The following SUN3 variants were observed in gnomAD, a reference collection of about 807,000 sequenced individuals.
SUN3 encodes the protein SUN domain-containing protein 3.
In SUN3, 36 loss-of-function variants were observed where a neutral mutation model predicts 48.2. The ratio of observed to expected loss-of-function variants is 0.75; its 90% confidence interval spans 0.57 to 0.99. SUN3 has a LOEUF of 0.99. Ranked by LOEUF, SUN3 falls within the 50% of genes least tolerant of loss-of-function variation. SUN3 has a pLI of 0.00. For missense variants in SUN3, 419 were observed against 433.1 expected (o/e 0.97, Z 0.29); for synonymous variants, 148 against 147.9 (o/e 1.00, Z 0.00).
At chr7:47,993,791 C>T (rs1277802680) in intron 8 of SUN3, among the ~76,000 whole-genome samples, 1 of 152,104 alleles carries the variant, frequency 6.6e-6, no homozygotes, top group Non-Finnish European at 1.5e-5. Flanking sequence ...GAAGGGTGTA[C>T]TTTAAATGGG....
intron 8 of SUN3, 35 bp from the exon 9 acceptor site, chr7:47,988,915 G>C (rs3736547): frequency 0.31 from 376,992 of 1,229,860 alleles, 61,235 homozygotes; most frequent in East Asian, 0.46. Flanking sequence ...AGATTGTAAT[G>C]AATGGATGCA....
intron 9 of SUN3, among the ~76,000 whole-genome samples, chr7:47,988,541 T>C (rs1253911599): frequency 6.6e-6 from 1 of 152,176 alleles, no homozygotes; most frequent in Non-Finnish European, 1.5e-5. Flanking sequence ...AGAAATTAAA[T>C]ATATATATTA....
At chr7:48,016,874 G>C (rs1583774382) in intron 3 of SUN3, among the ~76,000 whole-genome samples, 1 of 152,176 alleles carries the variant, frequency 6.6e-6, no homozygotes, top group African/African-American at 2.4e-5. Flanking sequence ...CATGTGATGA[G>C]GGTTCTACCA....
intron 6 of SUN3, among the ~76,000 whole-genome samples, chr7:47,997,616 G>A (rs1174700463): frequency 6.6e-6 from 1 of 152,192 alleles, no homozygotes; most frequent in African/African-American, 2.4e-5. Context: ...CATTTACAGT[G>A]TATGATTCAG....
At chr7:47,993,726 C>G (rs1192483453) in intron 8 of SUN3, among the ~76,000 whole-genome samples, 1 of 151,986 alleles carries the variant, frequency 6.6e-6, no homozygotes, top group Non-Finnish European at 1.5e-5. Context: ...GAAAAATGTT[C>G]TAAAATTGAT....
At chr7:48,004,177 A>C (rs1353632914) in intron 6 of SUN3, among the ~76,000 whole-genome samples, 3 of 152,126 alleles carry the variant, frequency 2.0e-5, no homozygotes, top group African/African-American at 7.2e-5. Context: ...GACAATTCCA[A>C]CATCTGTGTC....
Position 48,006,038 on chromosome 7 carries a change from C to A in SUN3, c.508G>T (p.Val170Phe). 1 of 1,607,788 alleles carries A rather than the reference C, an allele frequency of 6.2e-7. No individual in the cohort carries two copies. The highest frequency in any genetic ancestry group is 8.5e-7 in the Non-Finnish European group (1 of 1,176,054). The change falls in exon 6 of 10, where the codon GTC becomes TTC. Residue 170 changes from valine to phenylalanine, a missense_variant. Val to Phe is a conservative substitution (Grantham distance 50). Coordinates refer to ENST00000297325, the MANE Select transcript of SUN3 (RefSeq NM_001030019.2). ...PDHTEEVSNL[V>F]NYVLKKLRED... ...CTCAACTTTTTAAGTACATAATTGA[C>A]CAAGTTTGACACTTCCTGTAGAAAT...
At position 47,994,435 on chromosome 7, in the gene SUN3, A is replaced by T. The variant is rs756116158; in HGVS notation, c.741T>A (p.Gly247=). 6.2e-6 allele frequency: 10 copies of T among 1,611,076 alleles called. No individual in the cohort carries two copies. In the East Asian group the frequency reaches 2.0e-4, roughly 32 times the overall value. The part of the protein sequence containing the change: ...GKCWAFPGSQ[G]HTLIKLATKI... ...TTGTAGCAAGCTTGATTAGGGTATG[A>T]CCCTGGGAACCTGGAAAAGCCCAGC... Residue 247 remains glycine, a synonymous_variant, in exon 8 of 10, where the codon GGT becomes GGA. Coordinates refer to ENST00000297325, the MANE Select transcript of SUN3 (RefSeq NM_001030019.2).
chr7:48,019,800 C>T (rs1789914980), intron 2 of SUN3, among the ~76,000 whole-genome samples: 1 of 151,772 alleles, frequency 6.6e-6, no homozygotes, highest in African/African-American at 2.4e-5. Flanking sequence ...AAAAATCTCC[C>T]AGTAAAGAAC....
At chr7:47,994,583 C>G (rs574585569) in intron 7 of SUN3, 101 bp from the exon 8 acceptor site, 2 of 1,271,930 alleles carry the variant, frequency 1.6e-6, no homozygotes, top group African/African-American at 3.0e-5. Context: ...TCTCTTATGC[C>G]TATCAAATAG....
chr7:47,987,354 A>G lies in SUN3; in HGVS notation c.1050T>C (p.His350=), dbSNP rs2128768247. ...KYTCLYRFRV[H]GTPGKHI is the part of the protein sequence containing the mutation. Reference sequence around the variant, plus strand: ...TCTAGATGTGCTTGCCTGGTGTGCCATGGACCCTGAATCGATATAAACAAG... The same window carrying G: ...TCTAGATGTGCTTGCCTGGTGTGCCGTGGACCCTGAATCGATATAAACAAG... The change falls in exon 10 of 10, where the codon CAT becomes CAC. Residue 350 remains histidine, a synonymous_variant. Coordinates refer to ENST00000297325, the MANE Select transcript of SUN3 (RefSeq NM_001030019.2). 3.7e-6 allele frequency: 6 copies of G among 1,612,574 alleles called. No individual in the cohort carries two copies. The highest frequency in any genetic ancestry group is 5.1e-6 in the Non-Finnish European group (6 of 1,179,118).
At chr7:48,004,402 C>T (rs1351385681) in intron 6 of SUN3, among the ~76,000 whole-genome samples, 1 of 152,226 alleles carries the variant, frequency 6.6e-6, no homozygotes, top group Non-Finnish European at 1.5e-5. Flanking sequence ...AGTGGTGGTT[C>T]CAATCTCAAT....
chr7:48,008,629 G>T (rs1789597965), intron 4 of SUN3, among the ~76,000 whole-genome samples: 1 of 152,160 alleles, frequency 6.6e-6, no homozygotes, highest in Non-Finnish European at 1.5e-5. Context: ...ATTTTCTAAA[G>T]TACTACAAAT....
At chr7:47,992,997 T>G (rs542251574) in intron 8 of SUN3, among the ~76,000 whole-genome samples, 127 of 151,546 alleles carry the variant, frequency 8.4e-4, no homozygotes, top group African/African-American at 3.0e-3. Flanking sequence ...ACTAAAAAAT[T>G]TAAAAAACAA....
chr7:48,029,171 G>A (rs1241974370), upstream of SUN3: 9 of 512,422 alleles, frequency 1.8e-5, no homozygotes, highest in Non-Finnish European at 3.0e-5. Flanking sequence ...CGCCCAGCCA[G>A]GGCATGGACA....
At chr7:48,025,211 A>G (rs1358253708) in intron 2 of SUN3, among the ~76,000 whole-genome samples, 1 of 152,218 alleles carries the variant, frequency 6.6e-6, no homozygotes, top group African/African-American at 2.4e-5. Flanking sequence ...ATACAATGAA[A>G]TATTATTTAG....
intron 3 of SUN3, among the ~76,000 whole-genome samples, chr7:48,009,732 C>T (rs919460930): frequency 6.6e-6 from 1 of 152,120 alleles, no homozygotes; most frequent in South Asian, 2.1e-4. Flanking sequence ...TTGGACACAA[C>T]ATGTGGCTTC....
chr7:48,009,226 G>A (rs1789615925), intron 3 of SUN3, 151 bp from the exon 4 acceptor site: 9 of 650,360 alleles, frequency 1.4e-5, no homozygotes, highest in South Asian at 6.3e-5. Flanking sequence ...TGAGAGGCCC[G>A]CCTCTTTCCT....
intron 6 of SUN3, among the ~76,000 whole-genome samples, chr7:47,997,950 C>T (rs571686434): frequency 3.3e-4 from 51 of 152,288 alleles, no homozygotes; most frequent in African/African-American, 1.1e-3. Flanking sequence ...GGTTGATATT[C>T]CACTGTATGA....
Sources: allele counts gnomAD v4.1 joint callset (sites outside exome capture counted in the v4.1 genomes callset), GRCh38; gene constraint gnomAD v4.1.1; transcripts MANE v1.5; gene names NCBI Gene and HGNC (gene_info 2026-07-23, HGNC 2026-07-21).